Variants in PEG3 observed in about 807,000 individuals in gnomAD.
The protein encoded by PEG3 is paternally expressed 3.
Under a neutral mutation model 35.5 loss-of-function variants are expected in PEG3, and 23 were observed. That is an observed-to-expected ratio of 0.65 (90% CI 0.47 to 0.92). The LOEUF is 0.92. PEG3 is among the 40% of genes least tolerant of loss of function. The pLI, the probability that PEG3 is intolerant of heterozygous loss-of-function variation, is 0.00. For synonymous variants in PEG3, 707 were observed against 697.0 expected (o/e 1.01, Z -0.23); for missense variants, 1,960 against 1,985.3 (o/e 0.99, Z 0.24).
chr19:56,816,431 A>G lies in PEG3; in HGVS notation c.2011T>C (p.Ser671Pro), dbSNP rs2059984729. The change falls in exon 10 of 10, where the codon TCC (serine) becomes CCC (proline). Residue 671 changes from serine to proline, a missense_variant. This residue lies in a region of PEG3 where 798 missense variants were observed against 782.4 expected (regional missense o/e 1.02). Coordinates refer to ENST00000326441, the MANE Select transcript of PEG3 (RefSeq NM_006210.3). ...VCEETFIPGQSLKRRQKTYNK... is the reference protein window; with the variant it reads ...VCEETFIPGQPLKRRQKTYNK... ...TAAGTTTTCTGACGCCTTTTAAGGG[A>G]CTGACCAGGAATAAAGGTTTCCTCA... 2.5e-6 allele frequency: 4 copies of G among 1,613,990 alleles called. No individual in the cohort carries two copies. The East Asian group carries it at 8.9e-5, about 36-fold the overall frequency.
At position 56,815,133 on chromosome 19, in the gene PEG3, A is replaced by T. The variant is rs2059853766; in HGVS notation, c.3309T>A (p.Asp1103Glu). 1 of 1,613,832 alleles carries T rather than the reference A, an allele frequency of 6.2e-7. No homozygotes were observed. Among genetic ancestry groups the T allele is most frequent in the Admixed American group, 1.7e-5 (1 of 60,000 alleles). ...DMEDPQKDDP[D>E]DKIYECEDCG... ...AGTCCTCACATTCATAGATTTTGTC[A>T]TCAGGGTCATCCTTCTGAGGGTCTT... The change falls in exon 10 of 10, where the codon GAT (aspartate) becomes GAA (glutamate). Residue 1103 changes from aspartate to glutamate, a missense_variant. Asp to Glu is a conservative substitution (Grantham distance 45). Around this residue, in one of 5 missense-constraint regions of PEG3, gnomAD observed 798 missense variants for 782.4 expected, o/e 1.02. Transcript: ENST00000326441.
rs780257933 is a variant in PEG3 at position 56,814,196 on chromosome 19, C to A, written c.4246G>T (p.Ala1416Ser). Residue 1416 changes from alanine to serine, a missense_variant, in exon 10 of 10, where the codon GCT (alanine) becomes TCT (serine). Around this residue, in one of 5 missense-constraint regions of PEG3, gnomAD observed 416 missense variants for 416.7 expected, o/e 1.00. Transcript: ENST00000326441. This position sits in a 1 kb window ranked among gnomAD's most constrained non-coding sequence, Gnocchi z 5.8. Reference sequence around the variant, plus strand: ...CCTTCAGCCTCTCCGTTTGGCTCAGCAGCCTCCACTTCTGGCTCAGCAGCC... The same window carrying A: ...CCTTCAGCCTCTCCGTTTGGCTCAGAAGCCTCCACTTCTGGCTCAGCAGCC... ...VEAAEPEVEA[A>S]EPNGEAEGPD... is the part of the protein sequence containing the mutation. 1.2e-6 allele frequency: 2 copies of A among 1,611,528 alleles called. No homozygotes were observed. The highest frequency in any genetic ancestry group is 1.7e-6 in the Non-Finnish European group (2 of 1,178,276).
At position 56,811,770 on chromosome 19, in the gene PEG3, A is replaced by C; in HGVS notation, c.*1905T>G. ...TCCTATGCAGCCAGCCCTCACCTAC[A>C]CCATACCATCAAAAACTCCTTTTCC... On this transcript the variant is annotated 3_prime_UTR_variant, in exon 10 of 10. Coordinates refer to ENST00000326441, the MANE Select transcript of PEG3 (RefSeq NM_006210.3). 1 of 985,360 alleles carries C rather than the reference A, an allele frequency of 1.0e-6. No individual in the cohort carries two copies. The highest frequency in any genetic ancestry group is 1.2e-6 in the Non-Finnish European group (1 of 829,928). 61.0% of individuals were successfully genotyped at this position (985,360 alleles called of 1,614,324 possible).
Position 56,815,418 on chromosome 19 carries a change from G to A in PEG3, c.3024C>T (p.Arg1008=), listed in dbSNP as rs1447250105. The change falls in exon 10 of 10, where the codon CGC becomes CGT. Residue 1008 remains arginine (R), a synonymous_variant. Transcript: ENST00000326441. Reference sequence around the variant, plus strand: ...TTTGAGGGTCAGTAGGGGCCAAGCTGCGAATGACAGACCATTCATAGTTTC... The same window carrying A: ...TTTGAGGGTCAGTAGGGGCCAAGCTACGAATGACAGACCATTCATAGTTTC... The part of the protein sequence containing the change: ...GSRNYEWSVI[R]SLAPTDPQTS... The A allele has an allele frequency of 1.2e-6, 2 of 1,614,074 alleles. No individual in the cohort carries two copies. Among genetic ancestry groups the A allele is most frequent in the South Asian group, 1.1e-5 (1 of 91,084 alleles).
At position 56,811,397 on chromosome 19, in the gene PEG3, C is replaced by T; in HGVS notation, c.*2278G>A. On this transcript the variant is annotated 3_prime_UTR_variant, in exon 10 of 10. Coordinates refer to ENST00000326441, the MANE Select transcript of PEG3 (RefSeq NM_006210.3). ...AGTATAAATATACTTTCGTGTCCTG[C>T]TTTCTCCACTTAATGTTCTGTAAAT... 4.6e-6 allele frequency: 4 copies of T among 873,766 alleles called. No homozygotes were observed. Among genetic ancestry groups the T allele is most frequent in the Non-Finnish European group, 5.5e-6 (4 of 728,086 alleles). 54.1% of individuals were successfully genotyped at this position (873,766 alleles called of 1,614,324 possible). A position where few individuals can be genotyped will look rare whatever the true frequency, so the allele number is the denominator to read the frequency against.
chr19:56,821,313 C>T (rs936539899), intron 7 of PEG3, among the ~76,000 whole-genome samples: 1 of 152,216 alleles, frequency 6.6e-6, no homozygotes, highest in Non-Finnish European at 1.5e-5. Flanking sequence ...TCTGCAGACC[C>T]ACAGCTTTCC....
Position 56,811,512 on chromosome 19 carries a change from G to C in PEG3, c.*2163C>G, listed in dbSNP as rs2059539327. The C allele has an allele frequency of 1.0e-6, 1 of 983,852 alleles. No individual in the cohort carries two copies. Among genetic ancestry groups the C allele is most frequent in the African/African-American group, 1.8e-5 (1 of 56,220 alleles). The allele number at this position is 983,852 out of a possible 1,614,324, so 60.9% of individuals were successfully genotyped here. Reference sequence around the variant, plus strand: ...GATAGGTTTAAACAATCATTCTCTTGTTTACCATTTGTTACTACCTTTTCA... The same window carrying C: ...GATAGGTTTAAACAATCATTCTCTTCTTTACCATTTGTTACTACCTTTTCA... On this transcript the variant is annotated 3_prime_UTR_variant, in exon 10 of 10. Coordinates refer to ENST00000326441, the MANE Select transcript of PEG3 (RefSeq NM_006210.3).
rs2060121713 is a variant in PEG3, at chr19:56,817,827, C to A, written c.781G>T (p.Ala261Ser). ...YRKLLSLVQLAEDDGHSHMTQ... is the reference protein window; with the variant it reads ...YRKLLSLVQLSEDDGHSHMTQ... ...ATGTGGGAGTGGCCATCGTCTTCAG[C>A]AAGCTGCACTCCTGGTCACAAGGAC... Residue 261 changes from alanine to serine, a missense_variant, in exon 9 of 10, where the codon GCT becomes TCT. This residue lies in a region of PEG3 where 613 missense variants were observed against 577.1 expected (regional missense o/e 1.06). Transcript: ENST00000326441. The A allele has an allele frequency of 6.2e-7, 1 of 1,613,808 alleles. No individual in the cohort carries two copies. Among genetic ancestry groups the A allele is most frequent in the African/African-American group, 1.3e-5 (1 of 74,918 alleles).
chr19:56,833,010 C>A (rs1024627000), intron 2 of PEG3: 1 of 353,502 alleles, frequency 2.8e-6, no homozygotes. Flanking sequence ...GGCATCCTTG[C>A]CAGAAGTCAG....
At chr19:56,822,177 T>G (rs951038800) in intron 6 of PEG3, among the ~76,000 whole-genome samples, 1 of 152,206 alleles carries the variant, frequency 6.6e-6, no homozygotes, top group Non-Finnish European at 1.5e-5. Context: ...TAAATGTCAC[T>G]CACTCCTGAT....
At chr19:56,831,839 T>A (rs189549324) in intron 2 of PEG3, among the ~76,000 whole-genome samples, 19 of 152,244 alleles carry the variant, frequency 1.2e-4, no homozygotes, top group Non-Finnish European at 2.2e-4. Flanking sequence ...TCTATACTTA[T>A]GTTGTTCTTA....
Position 56,814,518 on chromosome 19 carries a change from G to A in PEG3, c.3924C>T (p.Pro1308=), listed in dbSNP as rs1327361520. Reference sequence around the variant, plus strand: ...GAGTATAGGAGGACCCGTACTCATAGGGCTCATTCTTATGAACAGTTACGT... The same window carrying A: ...GAGTATAGGAGGACCCGTACTCATAAGGCTCATTCTTATGAACAGTTACGT... ...ADHVTVHKNE[P]YEYGSSYTHT... Residue 1308 remains proline, a synonymous_variant, in exon 10 of 10, where the codon CCC becomes CCT. Coordinates refer to ENST00000326441, the MANE Select transcript of PEG3 (RefSeq NM_006210.3). The surrounding 1 kb of genome is among the most constrained non-coding windows in gnomAD (Gnocchi z 5.8). The A allele has an allele frequency of 5.0e-6, 8 of 1,613,854 alleles. No individual in the cohort carries two copies. The East Asian group carries it at 1.3e-4, about 27-fold the overall frequency.
At position 56,815,559 on chromosome 19, in the gene PEG3, T is replaced by C. The variant is rs147571007; in HGVS notation, c.2883A>G (p.Thr961=). Residue 961 remains threonine, a synonymous_variant, in exon 10 of 10, where the codon ACA becomes ACG. Coordinates refer to ENST00000326441, the MANE Select transcript of PEG3 (RefSeq NM_006210.3). Reference sequence around the variant, plus strand: ...CATAGAGCATCCCTCGAGGGCGAAATGTTTGTTCACCAAAAGGCAGAGAGT... The same window carrying C: ...CATAGAGCATCCCTCGAGGGCGAAACGTTTGTTCACCAAAAGGCAGAGAGT... ...VIHSLPFGEQ[T]FRPRGMLYEC... 3.9e-4 allele frequency: 630 copies of C among 1,614,052 alleles called. 2 individuals are homozygous for C. In the African/African-American group the frequency reaches 7.3e-3, roughly 19 times the overall value.
chr19:56,832,212 T>G (rs1175374050), intron 2 of PEG3, among the ~76,000 whole-genome samples: 2 of 152,230 alleles, frequency 1.3e-5, no homozygotes, highest in East Asian at 3.8e-4. Flanking sequence ...AATTACTGTT[T>G]CCTAGCGTGT....
At chr19:56,830,591 T>C (rs1229828549) in intron 2 of PEG3, among the ~76,000 whole-genome samples, 2 of 152,158 alleles carry the variant, frequency 1.3e-5, no homozygotes, top group Non-Finnish European at 2.9e-5. Flanking sequence ...TCCTAGCTAG[T>C]GCAACTGAAG....
At position 56,814,594 on chromosome 19, in the gene PEG3, T is replaced by A; in HGVS notation, c.3848A>T (p.Glu1283Val). The change falls in exon 10 of 10, where the codon GAA (glutamate) becomes GTA (valine). Residue 1283 changes from glutamate to valine, a missense_variant. By Grantham distance (121) the Glu-to-Val change is moderately radical. Transcript: ENST00000326441. The surrounding 1 kb of genome is among the most constrained non-coding windows in gnomAD (Gnocchi z 5.8). ...GAAAGATTCTCCACAGACTGCACAT[T>A]CAAAGAGTCTCTCTTCGGTCTGACT... is the stretch of plus-strand genomic sequence containing the variant. ...QRSQTEERLF[E>V]CAVCGESFVN... 6.2e-7 allele frequency: 1 copy of A among 1,614,130 alleles called. No individual in the cohort carries two copies.
rs1214964600 is a variant in PEG3 at position 56,824,561 on chromosome 19, T to G, written c.95A>C (p.Asp32Ala). 1 of 1,614,172 alleles carries G rather than the reference T, an allele frequency of 6.2e-7. No homozygotes were observed. The highest frequency in any genetic ancestry group is 8.5e-7 in the Non-Finnish European group (1 of 1,180,032). Reference sequence around the variant, plus strand: ...AGTTGGACCTTCTCCTATGATGACATCCGGCTCCTTAGTCAAGTCACTGTC... The same window carrying G: ...AGTTGGACCTTCTCCTATGATGACAGCCGGCTCCTTAGTCAAGTCACTGTC... ...ELDSDLTKEP[D>A]VIIGEGPTDS... The change falls in exon 4 of 10, where the codon GAT becomes GCT. Residue 32 changes from aspartate to alanine, a missense_variant. By Grantham distance (126) the Asp-to-Ala change is moderately radical (BLOSUM62 -2). This residue lies in a region of PEG3 where 613 missense variants were observed against 577.1 expected (regional missense o/e 1.06). Coordinates refer to ENST00000326441, the MANE Select transcript of PEG3 (RefSeq NM_006210.3).
At chr19:56,836,704 C>T (rs914621588) in intron 1 of PEG3, among the ~76,000 whole-genome samples, 3 of 152,186 alleles carry the variant, frequency 2.0e-5, no homozygotes, top group South Asian at 4.1e-4. Flanking sequence ...CGCAGTGACT[C>T]GCGCCTGTAA....
At chr19:56,823,351 A>G (rs527872985) in intron 5 of PEG3, among the ~76,000 whole-genome samples, 1 of 152,352 alleles carries the variant, frequency 6.6e-6, no homozygotes, top group East Asian at 1.9e-4. Flanking sequence ...TGCAAATTCC[A>G]AATAGCTTTA....
Sources: allele counts gnomAD v4.1 joint callset (sites outside exome capture counted in the v4.1 genomes callset), GRCh38; gene constraint gnomAD v4.1.1; regional missense constraint gnomAD v4.1.1; non-coding constraint Gnocchi (gnomAD v3.1); transcripts MANE v1.5; gene names NCBI Gene and HGNC (gene_info 2026-07-23, HGNC 2026-07-21).